The following ZCCHC7 variants were observed in gnomAD, a reference collection of about 807,000 sequenced individuals.
ZCCHC7 encodes zinc finger CCHC-type containing 7.
Under a neutral mutation model 52.0 loss-of-function variants are expected in ZCCHC7, and 35 were observed. The ratio of observed to expected loss-of-function variants is 0.67; its 90% CI spans 0.51 to 0.89. ZCCHC7 has a LOEUF of 0.89. Ranked by LOEUF, ZCCHC7 falls within the 40% of genes least tolerant of loss-of-function variation. The pLI is 0.00. For synonymous variants in ZCCHC7, 217 were observed against 221.5 expected (o/e 0.98, Z 0.18); for missense variants, 574 against 649.1 (o/e 0.88, Z 1.26).
intron 2 of ZCCHC7, among the ~76,000 whole-genome samples, chr9:37,272,720 T>C (rs577618372): frequency 4.9e-4 from 75 of 152,332 alleles, no homozygotes; most frequent in African/African-American, 1.8e-3. Context: ...TGTATATTCA[T>C]GTATGTATAA....
chr9:37,258,897 G>C (rs1826729694), intron 2 of ZCCHC7, among the ~76,000 whole-genome samples: 1 of 151,864 alleles, frequency 6.6e-6, no homozygotes, highest in Non-Finnish European at 1.5e-5. Flanking sequence ...AGGATTGTAG[G>C]ATTGTAGCAC....
chr9:37,290,546 C>T (rs570709347), intron 2 of ZCCHC7, among the ~76,000 whole-genome samples: 26 of 152,136 alleles, frequency 1.7e-4, no homozygotes, highest in Admixed American at 1.6e-3. Flanking sequence ...GTACCAGCTA[C>T]TTGGAGGGCT....
chr9:37,216,331 A>G (rs1824502661), intron 2 of ZCCHC7, among the ~76,000 whole-genome samples: 1 of 152,154 alleles, frequency 6.6e-6, no homozygotes. Context: ...GTGAGACATT[A>G]TTTTATTTAT....
intron 2 of ZCCHC7, among the ~76,000 whole-genome samples, chr9:37,140,793 T>A (rs1439194478): frequency 2.0e-5 from 3 of 152,000 alleles, no homozygotes; most frequent in Non-Finnish European, 4.4e-5. Context: ...ACTCTGTGAT[T>A]GTGCCACCAG....
At chr9:37,284,154 C>T (rs530558184) in intron 2 of ZCCHC7, 1 of 151,858 alleles carries the variant, frequency 6.6e-6, no homozygotes, top group African/African-American at 2.4e-5. Flanking sequence ...CTGTGGTCCC[C>T]ATACTTGTAC....
intron 2 of ZCCHC7, among the ~76,000 whole-genome samples, chr9:37,245,121 G>A (rs1826029385): frequency 6.6e-6 from 1 of 151,870 alleles, no homozygotes; most frequent in Non-Finnish European, 1.5e-5. Context: ...GATTCTGAGT[G>A]CAAAGTAGAT....
intron 5 of ZCCHC7, among the ~76,000 whole-genome samples, chr9:37,316,506 G>A (rs982358648): frequency 8.2e-4 from 106 of 128,858 alleles, no homozygotes; most frequent in Middle Eastern, 5.8e-3. Flanking sequence ...TCTATTTTTA[G>A]TACAGATGGG....
chr9:37,199,259 ATTC>A (rs1253653405), intron 2 of ZCCHC7, among the ~76,000 whole-genome samples: 6 of 150,284 alleles, frequency 4.0e-5, no homozygotes, highest in Non-Finnish European at 8.9e-5. Flanking sequence ...GATTTCTCTA[ATTC>A]TTGTCTTTGC....
At position 37,142,134 on chromosome 9, in the gene ZCCHC7, TA is replaced by T. The variant is rs1287815796; in HGVS notation, c.610+15194del. ...TTGTATTTGCTAAATTAACATAAAATAATAAAGAGATCCTTTTTACCATTTA... is the reference window on the plus strand; with the variant it reads ...TTGTATTTGCTAAATTAACATAAAATATAAAGAGATCCTTTTTACCATTTA... On this transcript the variant is annotated intron_variant, in intron 2 of 8. Transcript: ENST00000336755. 2.6e-5 allele frequency among the ~76,000 whole-genome samples: 4 copies of T among 151,880 alleles called. No homozygotes were observed. The East Asian group carries it at 7.7e-4, about 29-fold the overall frequency.
At chr9:37,346,269 C>T (rs1688743084) in intron 6 of ZCCHC7, among the ~76,000 whole-genome samples, 1 of 152,162 alleles carries the variant, frequency 6.6e-6, no homozygotes, top group Admixed American at 6.5e-5. Context: ...TCCCAAAGTA[C>T]AGGGATTATA....
intron 2 of ZCCHC7, among the ~76,000 whole-genome samples, chr9:37,279,344 A>G (rs1002078701): frequency 6.6e-6 from 1 of 152,084 alleles, no homozygotes; most frequent in African/African-American, 2.4e-5. Context: ...AAATTGTATG[A>G]TATTAACTCT....
chr9:37,278,034 GTGTTTTGTTT>G (rs370369181), intron 2 of ZCCHC7, among the ~76,000 whole-genome samples: 2,716 of 142,950 alleles, frequency 0.019, 28 homozygotes, highest in Middle Eastern at 0.043. Context: ...GTGTGTGTGT[GTGTTTTGTTT>G]TGTTTTGTTT....
intron 2 of ZCCHC7, among the ~76,000 whole-genome samples, chr9:37,283,461 G>A (rs998690383): frequency 6.6e-6 from 1 of 152,126 alleles, no homozygotes; most frequent in African/African-American, 2.4e-5. Flanking sequence ...GGAAAAGTGG[G>A]CTCCTCCTTT....
intron 2 of ZCCHC7, among the ~76,000 whole-genome samples, chr9:37,290,052 C>G (rs577152992): frequency 6.6e-6 from 1 of 152,262 alleles, no homozygotes; most frequent in East Asian, 1.9e-4. Flanking sequence ...TTCCAAAGCT[C>G]TTATGCCTCT....
chr9:37,179,373 G>A (rs560529964), intron 2 of ZCCHC7, among the ~76,000 whole-genome samples: 7 of 152,214 alleles, frequency 4.6e-5, no homozygotes, highest in East Asian at 1.9e-4. Context: ...TTTACCTGCC[G>A]TAATAGTGCG....
At chr9:37,216,951 T>A (rs952617149) in intron 2 of ZCCHC7, among the ~76,000 whole-genome samples, 1 of 152,110 alleles carries the variant, frequency 6.6e-6, no homozygotes, top group African/African-American at 2.4e-5. Context: ...GATATTCATA[T>A]TTACTCAAAA....
chr9:37,123,605 G>C (rs1434653906), intron 1 of ZCCHC7, among the ~76,000 whole-genome samples: 1 of 152,160 alleles, frequency 6.6e-6, no homozygotes, highest in Non-Finnish European at 1.5e-5. Context: ...TGGGATGGCT[G>C]CAAGAGTAGT....
chr9:37,249,533 C>A (rs1193912617), intron 2 of ZCCHC7, among the ~76,000 whole-genome samples: 1 of 144,286 alleles, frequency 6.9e-6, no homozygotes, highest in Non-Finnish European at 1.5e-5. Context: ...TCCACTGCAA[C>A]CTCCGCATCC....
chr9:37,169,574 G>T (rs552797582), intron 2 of ZCCHC7, among the ~76,000 whole-genome samples: 4 of 152,168 alleles, frequency 2.6e-5, no homozygotes, highest in African/African-American at 9.6e-5. Flanking sequence ...GCTGGTTTTA[G>T]AATTTAATAG....
Sources: gnomAD v4.1 joint callset for allele counts (sites outside exome capture counted in the v4.1 genomes callset) on GRCh38, gnomAD v4.1.1 for gene constraint, MANE v1.5 for transcripts, NCBI Gene and HGNC (gene_info 2026-07-23, HGNC 2026-07-21) for gene names.